STPG2: variants seen among roughly 807,000 people sequenced by gnomAD.
STPG2 encodes sperm-tail PG-rich repeat-containing protein 2.
Under a neutral mutation model 54.2 loss-of-function variants are expected in STPG2, and 56 were observed. That is an observed-to-expected ratio of 1.03 (90% CI 0.83 to 1.29). STPG2 has a LOEUF of 1.29. Among genes scored for constraint, STPG2 ranks in the 50% most tolerant of loss-of-function variants. The probability of loss-of-function intolerance (pLI) is 0.00; values close to 1 mark genes in which losing one functional copy is unlikely to be tolerated. For synonymous variants in STPG2, 200 were observed against 181.8 expected (o/e 1.10, Z -0.81); for missense variants, 596 against 544.9 (o/e 1.09, Z -0.93).
At chr4:97,745,341 A>G (rs551085829) in intron 9 of STPG2, among the ~76,000 whole-genome samples, 1 of 151,120 alleles carries the variant, frequency 6.6e-6, no homozygotes, top group South Asian at 2.1e-4. Flanking sequence ...AGCAATTATG[A>G]CATATTTAAT....
At chr4:97,831,620 T>A (rs999704275) in intron 9 of STPG2, among the ~76,000 whole-genome samples, 2 of 151,700 alleles carry the variant, frequency 1.3e-5, no homozygotes, top group African/African-American at 4.8e-5. Context: ...AATAGACCAC[T>A]AACCAGACTA....
At chr4:97,498,067 G>A (rs1237435400) in intron 4 of STPG2, among the ~76,000 whole-genome samples, 1 of 151,810 alleles carries the variant, frequency 6.6e-6, no homozygotes, top group Non-Finnish European at 1.5e-5. Context: ...AATTCAATAA[G>A]AACTTTTCTC....
intron 5 of STPG2, among the ~76,000 whole-genome samples, chr4:98,035,949 G>A (rs1736763957): frequency 6.6e-6 from 1 of 152,020 alleles, no homozygotes; most frequent in African/African-American, 2.4e-5. Context: ...CCTGTCGAGG[G>A]GTGGGGGCTA....
intron 5 of STPG2, among the ~76,000 whole-genome samples, chr4:98,025,220 G>A (rs963499517): frequency 2.6e-5 from 4 of 152,202 alleles, no homozygotes; most frequent in Non-Finnish European, 5.9e-5. Flanking sequence ...CGTAAGGAAA[G>A]TATCAAACCT....
rs374533281 is a variant in STPG2 at position 97,923,708 on chromosome 4, G to A, written c.1044+20189C>T. Reference sequence around the variant, plus strand: ...TAAGGGATTGTGAATGCACCAATCGGCACTCTGTATCTAGCTCAAGGTTTG... The same window carrying A: ...TAAGGGATTGTGAATGCACCAATCGACACTCTGTATCTAGCTCAAGGTTTG... On this transcript the variant is annotated intron_variant, in intron 8 of 10. Transcript: ENST00000295268. Among the ~76,000 whole-genome samples the A allele has an allele frequency of 5.8e-4, 88 of 152,252 alleles. No individual in the cohort carries two copies. In the East Asian group the frequency reaches 8.5e-3, roughly 15 times the overall value.
At chr4:97,684,075 A>C (rs968530101) in intron 10 of STPG2, among the ~76,000 whole-genome samples, 8 of 151,904 alleles carry the variant, frequency 5.3e-5, no homozygotes, top group Non-Finnish European at 1.2e-4. Context: ...TATATGAGGG[A>C]AACTATGACA....
At chr4:97,510,801 T>C (rs1730955674) in intron 4 of STPG2, among the ~76,000 whole-genome samples, 3 of 152,114 alleles carry the variant, frequency 2.0e-5, no homozygotes, top group Admixed American at 2.0e-4. Context: ...CGATAATATA[T>C]AGCAATATAT....
At chr4:97,805,406 T>G (rs1376394798) in intron 9 of STPG2, among the ~76,000 whole-genome samples, 1 of 152,146 alleles carries the variant, frequency 6.6e-6, no homozygotes, top group Non-Finnish European at 1.5e-5. Flanking sequence ...AGATGGGGTT[T>G]CACCATGTTG....
At chr4:97,717,609 T>C (rs1686424147) in intron 9 of STPG2, among the ~76,000 whole-genome samples, 1 of 152,188 alleles carries the variant, frequency 6.6e-6, no homozygotes, top group Admixed American at 6.5e-5. Context: ...AAAATGTACA[T>C]CCATAAGCCC....
intron 10 of STPG2, among the ~76,000 whole-genome samples, chr4:97,634,761 G>A (rs1408817759): frequency 6.6e-6 from 1 of 152,008 alleles, no homozygotes; most frequent in East Asian, 1.9e-4. Flanking sequence ...TGAAATGAAT[G>A]AAATGAAGTG....
At chr4:98,029,302 T>C (rs1178425129) in intron 5 of STPG2, among the ~76,000 whole-genome samples, 1 of 152,142 alleles carries the variant, frequency 6.6e-6, no homozygotes, top group Non-Finnish European at 1.5e-5. Flanking sequence ...CCATAATTGT[T>C]AATTCTTTAT....
At chr4:98,053,803 A>G (rs1375918904) in intron 5 of STPG2, among the ~76,000 whole-genome samples, 2 of 152,150 alleles carry the variant, frequency 1.3e-5, no homozygotes, top group Non-Finnish European at 2.9e-5. Flanking sequence ...TCCTGTGTAT[A>G]TATCTCATTT....
At chr4:97,548,565 A>G (rs527527398) in intron 4 of STPG2, among the ~76,000 whole-genome samples, 23 of 151,622 alleles carry the variant, frequency 1.5e-4, no homozygotes, top group African/African-American at 5.6e-4. Flanking sequence ...GTATGAAATA[A>G]TAATAGTATG....
At position 97,946,659 on chromosome 4, in the gene STPG2, C is replaced by T. The variant is rs570041034; in HGVS notation, c.934-2652G>A. On this transcript the variant is annotated intron_variant, in intron 7 of 10. Transcript: ENST00000295268. Reference sequence around the variant, plus strand: ...ATTTATTGAATAGGGTGTCCATTCCCCAATTTATGCTGTTCTATGCTTTGT... The same window carrying T: ...ATTTATTGAATAGGGTGTCCATTCCTCAATTTATGCTGTTCTATGCTTTGT... Among the ~76,000 whole-genome samples the T allele has an allele frequency of 1.2e-4, 18 of 152,132 alleles. 1 individual carries two copies. Among genetic ancestry groups the T allele is most frequent in the Admixed American group, 8.5e-4 (13 of 15,262 alleles).
At chr4:97,614,032 A>T (rs950524217) in intron 10 of STPG2, among the ~76,000 whole-genome samples, 12 of 152,162 alleles carry the variant, frequency 7.9e-5, no homozygotes, top group African/African-American at 2.9e-4. Context: ...AATGACAATT[A>T]GTTCAAATGA....
chr4:97,667,308 A>G (rs1722558721), intron 10 of STPG2, among the ~76,000 whole-genome samples: 1 of 152,246 alleles, frequency 6.6e-6, no homozygotes, highest in African/African-American at 2.4e-5. Context: ...TAAGGCTATA[A>G]AAACATAAAC....
At chr4:97,556,914 T>C (rs189798888), downstream of STPG2, among the ~76,000 whole-genome samples, 631 of 152,344 alleles carry the variant, frequency 4.1e-3, 3 homozygotes, top group South Asian at 0.02. Context: ...CCAGGCCTGG[T>C]GGCTCATGCC....
At chr4:97,700,892 T>A (rs1312789948) in intron 10 of STPG2, among the ~76,000 whole-genome samples, 1 of 152,174 alleles carries the variant, frequency 6.6e-6, no homozygotes. Flanking sequence ...CTCAAATCAA[T>A]GAAACCACAT....
At chr4:97,548,251 T>C (rs937165860) in intron 4 of STPG2, among the ~76,000 whole-genome samples, 3 of 152,242 alleles carry the variant, frequency 2.0e-5, no homozygotes, top group South Asian at 2.1e-4. Context: ...CTGGGAGATA[T>C]CAACTTTTTT....
Sources: allele counts gnomAD v4.1 joint callset (sites outside exome capture counted in the v4.1 genomes callset), GRCh38; gene constraint gnomAD v4.1.1; transcripts MANE v1.5; gene names NCBI Gene and HGNC (gene_info 2026-07-23, HGNC 2026-07-21).